The following RERG variants were observed in gnomAD, a reference collection of about 807,000 sequenced individuals.
RERG encodes RAS like estrogen regulated growth inhibitor.
A neutral mutation model predicts 23.2 loss-of-function variants in RERG; 25 were observed. The ratio of observed to expected loss-of-function variants is 1.08; its 90% confidence interval spans 0.79 to 1.50. The LOEUF is 1.50. RERG is among the 40% of genes most tolerant of loss of function. The pLI is 0.00. For missense variants in RERG, 253 were observed against 250.1 expected, an observed-to-expected ratio of 1.01 and a Z score of -0.08; for synonymous variants, 81 against 89.1, an observed-to-expected ratio of 0.91 and a Z score of 0.51.
intron 2 of RERG, among the ~76,000 whole-genome samples, chr12:15,185,257 A>G (rs1864973972): frequency 1.3e-5 from 2 of 152,162 alleles, no homozygotes; most frequent in South Asian, 4.1e-4. Context: ...CTCCTGTGAT[A>G]TCAATCTCAT....
At chr12:15,141,234 C>T (rs1469657569) in intron 2 of RERG, among the ~76,000 whole-genome samples, 1 of 151,528 alleles carries the variant, frequency 6.6e-6, no homozygotes, top group Non-Finnish European at 1.5e-5. Flanking sequence ...CGGCTCACTG[C>T]AACCTCCACC....
chr12:15,132,152 T>A (rs968666743), intron 2 of RERG, among the ~76,000 whole-genome samples: 1 of 152,114 alleles, frequency 6.6e-6, no homozygotes, highest in Non-Finnish European at 1.5e-5. Flanking sequence ...CAAGATGAAC[T>A]AGGAGGATGA....
intron 2 of RERG, among the ~76,000 whole-genome samples, chr12:15,162,024 G>T (rs1591653551): frequency 6.6e-6 from 1 of 152,170 alleles, no homozygotes; most frequent in South Asian, 2.1e-4. Flanking sequence ...GAAATACATT[G>T]TAACTTAGAC....
intron 2 of RERG, among the ~76,000 whole-genome samples, chr12:15,161,926 T>C (rs2136114319): frequency 6.6e-6 from 1 of 152,326 alleles, no homozygotes; most frequent in Admixed American, 6.5e-5. Context: ...CTTATGAAGC[T>C]TAAATAATTT....
At chr12:15,176,834 G>A (rs553961174) in intron 2 of RERG, among the ~76,000 whole-genome samples, 1 of 152,288 alleles carries the variant, frequency 6.6e-6, no homozygotes, top group East Asian at 1.9e-4. Flanking sequence ...ATTGTGAAAT[G>A]CGTTATTTTC....
intron 3 of RERG, chr12:15,114,648 T>G (rs1399864671): frequency 6.6e-6 from 1 of 152,184 alleles, no homozygotes; most frequent in African/African-American, 2.4e-5. Context: ...GTACATCATT[T>G]TGAAGAGCAA....
chr12:15,177,405 A>G (rs1055688594), intron 2 of RERG, among the ~76,000 whole-genome samples: 8 of 152,336 alleles, frequency 5.3e-5, no homozygotes, highest in Middle Eastern at 3.4e-3. Context: ...GTGAGCCAAG[A>G]TCACACCATT....
At chr12:15,199,492 T>G (rs912853563) in intron 2 of RERG, among the ~76,000 whole-genome samples, 1 of 152,106 alleles carries the variant, frequency 6.6e-6, no homozygotes, top group Non-Finnish European at 1.5e-5. Context: ...TTTCCTTACA[T>G]TCCTATATTC....
intron 2 of RERG, among the ~76,000 whole-genome samples, chr12:15,163,234 A>G (rs1045318281): frequency 2.0e-5 from 3 of 152,228 alleles, no homozygotes; most frequent in Non-Finnish European, 4.4e-5. Context: ...AATATGCTAG[A>G]AAAATTGGAT....
chr12:15,160,582 C>A lies in RERG; in HGVS notation c.62-39463G>T, dbSNP rs368595103. 1.5e-3 allele frequency among the ~76,000 whole-genome samples: 226 copies of A among 152,018 alleles called. 6 individuals are homozygous for A. In the South Asian group the frequency reaches 0.045, roughly 30 times the overall value. ...CACAGTAATATTTAAATTATTTATC[C>A]CACAGGATAATTTTAGTGATCAAAA... On this transcript the variant is annotated intron_variant, in intron 2 of 4. Coordinates refer to ENST00000256953, the MANE Select transcript of RERG (RefSeq NM_032918.3).
chr12:15,219,354 T>C (rs890018942), intron 1 of RERG, among the ~76,000 whole-genome samples: 2 of 152,222 alleles, frequency 1.3e-5, no homozygotes, highest in African/African-American at 2.4e-5. Context: ...CTGTACCTAA[T>C]AAGGTTTTGT....
chr12:15,120,585 T>G (rs1260324955), intron 3 of RERG, among the ~76,000 whole-genome samples: 1 of 152,202 alleles, frequency 6.6e-6, no homozygotes, highest in African/African-American at 2.4e-5. Context: ...ATTTTGCTGC[T>G]TCTTCTCTCC....
At chr12:15,157,386 C>T (rs563342261) in intron 2 of RERG, among the ~76,000 whole-genome samples, 71 of 152,238 alleles carry the variant, frequency 4.7e-4, no homozygotes, top group African/African-American at 1.6e-3. Context: ...TCAAGAGGGA[C>T]GTGCAAGAAG....
chr12:15,183,603 A>C (rs1864954368), intron 2 of RERG, among the ~76,000 whole-genome samples: 1 of 152,170 alleles, frequency 6.6e-6, no homozygotes, highest in Non-Finnish European at 1.5e-5. Flanking sequence ...AAGTTATGTA[A>C]AGTTTTATGC....
At chr12:15,115,410 C>A (rs995373481) in intron 3 of RERG, among the ~76,000 whole-genome samples, 6 of 151,972 alleles carry the variant, frequency 3.9e-5, no homozygotes, top group African/African-American at 9.7e-5. Flanking sequence ...CTTGTAAATA[C>A]CATGCTTAGT....
chr12:15,143,339 CATACACACAT>C (rs1864271325), intron 2 of RERG, among the ~76,000 whole-genome samples: 1 of 18,250 alleles, frequency 5.5e-5, no homozygotes, highest in Non-Finnish European at 1.3e-4. Flanking sequence ...TAAATATATA[CATACACACAT>C]GTGTGTATGT....
intron 2 of RERG, among the ~76,000 whole-genome samples, chr12:15,126,961 G>A (rs1283246860): frequency 4.0e-5 from 6 of 151,804 alleles, no homozygotes; most frequent in African/African-American, 9.7e-5. Flanking sequence ...CTTGTGATCC[G>A]CCCGCTTCAG....
chr12:15,206,712 C>T lies in RERG; in HGVS notation c.61+10717G>A, dbSNP rs117780812. On this transcript the variant is annotated intron_variant, in intron 2 of 4. Transcript: ENST00000256953. Reference sequence around the variant, plus strand: ...ATAACCCAATAAAAAAACACATTTCCAAACTCAGCTCTGGTTTGCAGCAGC... The same window carrying T: ...ATAACCCAATAAAAAAACACATTTCTAAACTCAGCTCTGGTTTGCAGCAGC... 3.4e-3 allele frequency among the ~76,000 whole-genome samples: 517 copies of T among 152,194 alleles called. 4 individuals carry two copies. In the East Asian group the frequency reaches 0.037, roughly 11 times the overall value.
At chr12:15,198,947 T>G (rs917825012) in intron 2 of RERG, among the ~76,000 whole-genome samples, 1 of 152,166 alleles carries the variant, frequency 6.6e-6, no homozygotes, top group African/African-American at 2.4e-5. Context: ...ATTACTTCAA[T>G]CACATCTGCA....
Sources: allele counts gnomAD v4.1 joint callset (sites outside exome capture counted in the v4.1 genomes callset), GRCh38; gene constraint gnomAD v4.1.1; transcripts MANE v1.5; gene names NCBI Gene and HGNC (gene_info 2026-07-23, HGNC 2026-07-21).